DOCK4: variants seen among roughly 807,000 people sequenced by gnomAD.
DOCK4 encodes the protein dedicator of cytokinesis protein 4.
DOCK4 carries 97 observed loss-of-function variants against 268.1 expected under a neutral mutation model. The observed-to-expected ratio is 0.36, with a 90% CI of 0.31 to 0.43. The LOEUF (loss-of-function observed/expected upper bound fraction) is 0.43, where lower values mean the gene tolerates loss of function less well. DOCK4 is among the 20% of genes least tolerant of loss of function. The pLI, the probability that DOCK4 is intolerant of heterozygous loss-of-function variation, is 1.00. For missense variants in DOCK4, 2,145 were observed against 2,455.7 expected (o/e 0.87, Z 2.67); for synonymous variants, 954 against 887.2 (o/e 1.08, Z -1.34).
intron 16 of DOCK4, among the ~76,000 whole-genome samples, chr7:111,891,950 TATAA>T (rs540786972): frequency 2.9e-4 from 44 of 152,316 alleles, no homozygotes; most frequent in Middle Eastern, 3.4e-3. Flanking sequence ...AGCAACCCTT[TATAA>T]GGGTTACCTA....
intron 30 of DOCK4, among the ~76,000 whole-genome samples, chr7:111,806,784 C>T (rs1800708484): frequency 6.6e-6 from 1 of 152,182 alleles, no homozygotes; most frequent in Admixed American, 6.6e-5. Context: ...TTCTTACAAG[C>T]TTCCAAGGAT....
At chr7:111,939,668 A>C (rs2134755730) in intron 11 of DOCK4, among the ~76,000 whole-genome samples, 1 of 152,308 alleles carries the variant, frequency 6.6e-6, no homozygotes, top group South Asian at 2.1e-4. Context: ...AAATGGGTTA[A>C]GCCATGCAGT....
At chr7:112,196,258 TG>T (rs369311698) in intron 1 of DOCK4, among the ~76,000 whole-genome samples, 1 of 152,174 alleles carries the variant, frequency 6.6e-6, no homozygotes, top group South Asian at 2.1e-4. Flanking sequence ...GGTTCCCAGT[TG>T]TAAGTTATTA....
intron 35 of DOCK4, among the ~76,000 whole-genome samples, chr7:111,779,902 G>T (rs965933199): frequency 6.6e-6 from 1 of 152,200 alleles, no homozygotes; most frequent in Non-Finnish European, 1.5e-5. Context: ...AATCTCTGCT[G>T]GAGACACTTG....
At chr7:112,165,562 G>GCA (rs1817541693) in intron 1 of DOCK4, among the ~76,000 whole-genome samples, 2 of 140,732 alleles carry the variant, frequency 1.4e-5, no homozygotes, top group Non-Finnish European at 3.1e-5. Context: ...GTGTGTGTGC[G>GCA]TGTGTGTGTG....
At chr7:111,792,542 C>G (rs1388943526) in intron 30 of DOCK4, among the ~76,000 whole-genome samples, 4 of 152,128 alleles carry the variant, frequency 2.6e-5, no homozygotes, top group Non-Finnish European at 5.9e-5. Context: ...ACCACCACGC[C>G]CAGCTAATTT....
At chr7:111,730,671 A>G (rs1795022684) in intron 52 of DOCK4, among the ~76,000 whole-genome samples, 1 of 152,022 alleles carries the variant, frequency 6.6e-6, no homozygotes, top group African/African-American at 2.4e-5. Flanking sequence ...AACTCTTATC[A>G]GTTAAGGCAG....
At chr7:111,816,296 C>G (rs187876003) in intron 27 of DOCK4, among the ~76,000 whole-genome samples, 1 of 152,082 alleles carries the variant, frequency 6.6e-6, no homozygotes, top group African/African-American at 2.4e-5. Context: ...GATGTTTATA[C>G]AATGAAAAAC....
At chr7:111,886,956 C>T (rs763101319) in intron 16 of DOCK4, among the ~76,000 whole-genome samples, 3 of 152,026 alleles carry the variant, frequency 2.0e-5, no homozygotes, top group Non-Finnish European at 4.4e-5. Flanking sequence ...AAAAAAAGTA[C>T]GGGCATATTG....
chr7:111,769,784 A>C, intron 36 of DOCK4, 107 bp from the exon 37 acceptor site: 1 of 1,323,640 alleles, frequency 7.6e-7, no homozygotes, highest in Non-Finnish European at 1.0e-6. Flanking sequence ...TATTTTCTAA[A>C]TTTCGTGATA....
chr7:112,018,436 T>C (rs1401083768), intron 1 of DOCK4, among the ~76,000 whole-genome samples: 2 of 152,180 alleles, frequency 1.3e-5, no homozygotes, highest in East Asian at 3.9e-4. Flanking sequence ...TTATCAATTA[T>C]AAATGAACTT....
chr7:111,827,819 T>C (rs1802519856), intron 26 of DOCK4, among the ~76,000 whole-genome samples: 1 of 152,144 alleles, frequency 6.6e-6, no homozygotes, highest in Admixed American at 6.5e-5. Flanking sequence ...GATAAGGAGA[T>C]TGGACTTCGT....
chr7:111,827,397 T>A (rs1209504109), intron 26 of DOCK4, among the ~76,000 whole-genome samples: 1 of 152,226 alleles, frequency 6.6e-6, no homozygotes, highest in Non-Finnish European at 1.5e-5. Flanking sequence ...AAAGATTTAA[T>A]GTTCCAGGTT....
chr7:111,759,669 G>C (rs1206086092), intron 40 of DOCK4, among the ~76,000 whole-genome samples: 1 of 151,794 alleles, frequency 6.6e-6, no homozygotes, highest in East Asian at 1.9e-4. Context: ...TAGACAATAA[G>C]AGCATGAATT....
At chr7:111,744,825 T>C (rs3801787) in intron 44 of DOCK4, among the ~76,000 whole-genome samples, 90,603 of 151,968 alleles carry the variant, frequency 0.6, 27,654 homozygotes, top group Non-Finnish European at 0.66. Context: ...CAAGTAATTC[T>C]TCTCTCTCTT....
intron 1 of DOCK4, among the ~76,000 whole-genome samples, chr7:112,113,896 G>A (rs992464635): frequency 1.3e-5 from 2 of 151,472 alleles, no homozygotes; most frequent in African/African-American, 4.9e-5. Context: ...GCTTCGCCTG[G>A]ATTTTTAGAA....
intron 1 of DOCK4, among the ~76,000 whole-genome samples, chr7:112,023,244 G>T (rs143470081): frequency 1.6e-4 from 24 of 152,222 alleles, no homozygotes; most frequent in African/African-American, 5.8e-4. Flanking sequence ...CCTTTTCTAC[G>T]TATCCTTCAT....
intron 21 of DOCK4, among the ~76,000 whole-genome samples, chr7:111,868,763 T>C (rs1207193788): frequency 6.6e-6 from 1 of 152,098 alleles, no homozygotes; most frequent in African/African-American, 2.4e-5. Context: ...TGATGAACAC[T>C]AAGTGTTTTT....
intron 1 of DOCK4, among the ~76,000 whole-genome samples, chr7:112,006,466 T>A (rs948217504): frequency 6.6e-6 from 1 of 152,238 alleles, no homozygotes; most frequent in South Asian, 2.1e-4. Flanking sequence ...GGATGACAGC[T>A]TGTCTGAGCC....
Sources: allele counts gnomAD v4.1 joint callset (sites outside exome capture counted in the v4.1 genomes callset), GRCh38; gene constraint gnomAD v4.1.1; transcripts MANE v1.5; gene names NCBI Gene and HGNC (gene_info 2026-07-23, HGNC 2026-07-21).